The following KCNH1 variants were observed in gnomAD, a reference collection of about 807,000 sequenced individuals.
KCNH1 encodes the protein voltage-gated delayed rectifier potassium channel KCNH1.
In KCNH1, 27 loss-of-function variants were observed where a neutral mutation model predicts 69.2. The ratio of observed to expected loss-of-function variants is 0.39; its 90% CI spans 0.29 to 0.54. The LOEUF is 0.54. Ranked by LOEUF, KCNH1 falls within the 20% of genes least tolerant of loss-of-function variation. The probability of loss-of-function intolerance (pLI) is 0.68; values close to 1 mark genes in which losing one functional copy is unlikely to be tolerated. For synonymous variants in KCNH1, 456 were observed against 487.7 expected (o/e 0.93, Z 0.86); for missense variants, 798 against 1,261.6 (o/e 0.63, Z 5.57).
chr1:210,968,073 T>G (rs181197339), intron 6 of KCNH1, among the ~76,000 whole-genome samples: 1 of 151,778 alleles, frequency 6.6e-6, no homozygotes, highest in East Asian at 1.9e-4. Context: ...TGTGACCATG[T>G]GATCTCACTG....
chr1:210,917,221 GAGAGAGAGAGAAAGAAAGAA>G (rs1189608738), intron 7 of KCNH1, among the ~76,000 whole-genome samples: 33 of 110,108 alleles, frequency 3.0e-4, no homozygotes, highest in African/African-American at 8.6e-4. Context: ...GAGAGAGAGA[GAGAGAGAGAGAAAGAAAGAA>G]AGAAAGAAAG....
chr1:210,895,683 A>C (rs542402242), intron 7 of KCNH1, among the ~76,000 whole-genome samples: 1 of 152,236 alleles, frequency 6.6e-6, no homozygotes, highest in African/African-American at 2.4e-5. Context: ...AGACATCAGG[A>C]AACATAGGAA....
chr1:210,886,034 T>G (rs1475196649), intron 7 of KCNH1, among the ~76,000 whole-genome samples: 3 of 152,162 alleles, frequency 2.0e-5, no homozygotes, highest in Non-Finnish European at 4.4e-5. Flanking sequence ...AGCACAGCAC[T>G]TGAGCTCTGC....
At position 211,114,971 on chromosome 1, in the gene KCNH1, G is replaced by A. The variant is rs536512878; in HGVS notation, c.80-7594C>T. The stretch of plus-strand genomic sequence containing the variant: ...TTGGTTTTTTGTTTGTTTGTTTTTT[G>A]TTTTTTGTTTTTTTTGAGACAGGGT... On this transcript the variant is annotated intron_variant, in intron 1 of 10. Transcript: ENST00000271751. Among the ~76,000 whole-genome samples, 13 of 151,914 alleles carry A rather than the reference G, an allele frequency of 8.6e-5. No individual in the cohort carries two copies. The South Asian group carries it at 2.5e-3, about 29-fold the overall frequency.
At chr1:210,954,065 C>A (rs1161452170) in intron 6 of KCNH1, among the ~76,000 whole-genome samples, 1 of 151,846 alleles carries the variant, frequency 6.6e-6, no homozygotes, top group Non-Finnish European at 1.5e-5. Context: ...AGCCCCCCAT[C>A]CCAAGACAGG....
intron 6 of KCNH1, among the ~76,000 whole-genome samples, chr1:210,921,978 T>C (rs1441927604): frequency 6.6e-6 from 1 of 152,158 alleles, no homozygotes; most frequent in Non-Finnish European, 1.5e-5. Flanking sequence ...TGAACACGTA[T>C]AAACCATACG....
chr1:210,745,561 G>A (rs1247637187), intron 10 of KCNH1, among the ~76,000 whole-genome samples: 4 of 152,154 alleles, frequency 2.6e-5, no homozygotes, highest in African/African-American at 9.7e-5. Flanking sequence ...ATATGAAGCA[G>A]GAGTCACATG....
intron 10 of KCNH1, among the ~76,000 whole-genome samples, chr1:210,684,479 G>C (rs1681364999): frequency 6.6e-6 from 1 of 152,184 alleles, no homozygotes; most frequent in Admixed American, 6.5e-5. Context: ...CTCTGTGCCT[G>C]GCCTCCCTTA....
At chr1:211,057,401 C>T (rs1463070969) in intron 5 of KCNH1, among the ~76,000 whole-genome samples, 1 of 152,022 alleles carries the variant, frequency 6.6e-6, no homozygotes, top group East Asian at 1.9e-4. Flanking sequence ...TTTGGGAGGC[C>T]AAGGCAGGCA....
intron 5 of KCNH1, among the ~76,000 whole-genome samples, chr1:211,076,244 C>A (rs1406324026): frequency 2.0e-5 from 3 of 152,198 alleles, no homozygotes; most frequent in Non-Finnish European, 4.4e-5. Context: ...TCTCCCAGCA[C>A]AGTGTTTGAC....
At chr1:211,073,777 A>G (rs1322642976) in intron 5 of KCNH1, among the ~76,000 whole-genome samples, 4 of 152,170 alleles carry the variant, frequency 2.6e-5, no homozygotes, top group Non-Finnish European at 5.9e-5. Context: ...ATCAAAAATC[A>G]ATAAGCTTCT....
intron 5 of KCNH1, among the ~76,000 whole-genome samples, chr1:211,060,975 C>G (rs77116448): frequency 6.6e-6 from 1 of 152,064 alleles, no homozygotes; most frequent in Non-Finnish European, 1.5e-5. Flanking sequence ...CAGTATTACC[C>G]TGATACCAAA....
chr1:210,770,093 A>G lies in KCNH1; in HGVS notation c.2112+5255T>C, dbSNP rs535948492. ...GGAAACCATCATCCTCAGCAAACTA[A>G]CACAGGAACAGAAAACCAAACACCA... On this transcript the variant is annotated intron_variant, in intron 10 of 10. Transcript: ENST00000271751. Among the ~76,000 whole-genome samples, 289 of 152,254 alleles carry G rather than the reference A, an allele frequency of 1.9e-3. 3 individuals carry two copies. Among genetic ancestry groups the G allele is most frequent in the East Asian group, 3.9e-4 (2 of 5,168 alleles).
chr1:210,746,253 C>T (rs899096116), intron 10 of KCNH1, among the ~76,000 whole-genome samples: 2 of 152,154 alleles, frequency 1.3e-5, no homozygotes, highest in African/African-American at 4.8e-5. Flanking sequence ...TATACTTGTG[C>T]AGAGTTTTAT....
chr1:210,947,627 T>C (rs1470119246), intron 6 of KCNH1, among the ~76,000 whole-genome samples: 1 of 150,812 alleles, frequency 6.6e-6, no homozygotes, highest in Non-Finnish European at 1.5e-5. Context: ...ATAACTTACA[T>C]CAATCAGTCA....
At chr1:211,047,397 G>A (rs1217986632) in intron 5 of KCNH1, among the ~76,000 whole-genome samples, 1 of 152,210 alleles carries the variant, frequency 6.6e-6, no homozygotes, top group Non-Finnish European at 1.5e-5. Flanking sequence ...GTGAGACAGG[G>A]AGGTGGGGAA....
intron 9 of KCNH1, among the ~76,000 whole-genome samples, chr1:210,779,425 T>C (rs1683930670): frequency 6.6e-6 from 1 of 152,154 alleles, no homozygotes; most frequent in Admixed American, 6.5e-5. Flanking sequence ...GGGAAGGAGA[T>C]AGAACATTTG....
chr1:211,067,746 G>T (rs1690557770), intron 5 of KCNH1, among the ~76,000 whole-genome samples: 2 of 152,316 alleles, frequency 1.3e-5, no homozygotes, highest in South Asian at 4.1e-4. Flanking sequence ...GCAGTAGCAG[G>T]GGGCTAGGAA....
intron 5 of KCNH1, among the ~76,000 whole-genome samples, chr1:211,021,005 C>A (rs554181955): frequency 6.6e-6 from 1 of 152,222 alleles, no homozygotes; most frequent in South Asian, 2.1e-4. Context: ...ACATTTGCAG[C>A]AACCTGCATG....
Sources: allele counts gnomAD v4.1 joint callset (sites outside exome capture counted in the v4.1 genomes callset), GRCh38; gene constraint gnomAD v4.1.1; transcripts MANE v1.5; gene names NCBI Gene and HGNC (gene_info 2026-07-23, HGNC 2026-07-21).